Variants in SEMA3A observed in about 807,000 individuals in gnomAD.
SEMA3A encodes semaphorin-3A.
A neutral mutation model predicts 97.9 loss-of-function variants in SEMA3A; 29 were observed. The ratio of observed to expected loss-of-function variants is 0.30; its 90% CI spans 0.22 to 0.40. The LOEUF (loss-of-function observed/expected upper bound fraction) is 0.40. Ranked by LOEUF, SEMA3A falls within the 10% of genes least tolerant of loss-of-function variation. The pLI is 1.00. For synonymous variants in SEMA3A, 321 were observed against 323.7 expected (o/e 0.99, Z 0.09); for missense variants, 763 against 951.3 (o/e 0.80, Z 2.60).
intron 13 of SEMA3A, among the ~76,000 whole-genome samples, chr7:83,984,721 T>C (rs1789560797): frequency 6.8e-6 from 1 of 147,640 alleles, no homozygotes; most frequent in Non-Finnish European, 1.5e-5. Context: ...TGTTTACACA[T>C]ATTACACAGT....
chr7:84,026,884 T>A (rs1340781708), intron 6 of SEMA3A, among the ~76,000 whole-genome samples: 1 of 151,800 alleles, frequency 6.6e-6, no homozygotes, highest in Non-Finnish European at 1.5e-5. Context: ...CAGAAAAAAA[T>A]AACTATTGGG....
At chr7:84,022,299 T>C (rs1361234953) in intron 6 of SEMA3A, among the ~76,000 whole-genome samples, 2 of 152,130 alleles carry the variant, frequency 1.3e-5, no homozygotes, top group African/African-American at 2.4e-5. Flanking sequence ...AGAAAGTTCA[T>C]GATATTCACA....
intron 1 of SEMA3A, among the ~76,000 whole-genome samples, chr7:84,178,218 T>A (rs1288998522): frequency 1.3e-5 from 2 of 152,166 alleles, no homozygotes; most frequent in African/African-American, 4.8e-5. Context: ...TCTTATCTAA[T>A]TCCTTTGTAA....
At chr7:84,318,658 C>G (rs574181828) in intron 2 of SEMA3A, among the ~76,000 whole-genome samples, 1 of 152,238 alleles carries the variant, frequency 6.6e-6, no homozygotes, top group African/African-American at 2.4e-5. Context: ...ATTGATAGAA[C>G]AGAGCTGATG....
At chr7:84,201,219 G>T (rs77889589) in intron 3 of SEMA3A, among the ~76,000 whole-genome samples, 406 of 152,114 alleles carry the variant, frequency 2.7e-3, no homozygotes, top group African/African-American at 9.4e-3. Context: ...TATGGCCTAG[G>T]AAGAGGACTT....
intron 4 of SEMA3A, among the ~76,000 whole-genome samples, chr7:84,093,853 G>A (rs1192404657): frequency 4.6e-5 from 7 of 151,720 alleles, no homozygotes; most frequent in Admixed American, 3.9e-4. Context: ...TTAATACTTA[G>A]GTGATAAGTG....
intron 1 of SEMA3A, among the ~76,000 whole-genome samples, chr7:84,168,996 T>C (rs1797302676): frequency 6.6e-6 from 1 of 151,740 alleles, no homozygotes; most frequent in South Asian, 2.1e-4. Flanking sequence ...GCTTAAAAAA[T>C]GTTGAGGCTA....
At chr7:84,329,266 G>A (rs1367303970) in intron 2 of SEMA3A, among the ~76,000 whole-genome samples, 2 of 152,018 alleles carry the variant, frequency 1.3e-5, no homozygotes, top group African/African-American at 2.4e-5. Flanking sequence ...TTTCAAACCA[G>A]ACATTTTAAT....
At chr7:84,400,545 A>T (rs1308461129) in intron 1 of SEMA3A, among the ~76,000 whole-genome samples, 1 of 152,216 alleles carries the variant, frequency 6.6e-6, no homozygotes, top group Non-Finnish European at 1.5e-5. Flanking sequence ...AAACGGAGGA[A>T]AGAATCAGTG....
intron 3 of SEMA3A, among the ~76,000 whole-genome samples, chr7:84,253,364 C>CA (rs67378144): frequency 0.012 from 1,626 of 135,678 alleles, 4 homozygotes; most frequent in Non-Finnish European, 0.019. Flanking sequence ...ATGGAGAGTC[C>CA]AAAAAAAAAA....
At chr7:84,466,333 C>T (rs1167794939) in intron 1 of SEMA3A, among the ~76,000 whole-genome samples, 2 of 151,856 alleles carry the variant, frequency 1.3e-5, no homozygotes, top group African/African-American at 2.4e-5. Flanking sequence ...CCACCACACC[C>T]GGCTAATTTT....
intron 3 of SEMA3A, among the ~76,000 whole-genome samples, chr7:84,275,259 C>T (rs1280816306): frequency 1.3e-5 from 2 of 152,078 alleles, no homozygotes; most frequent in African/African-American, 4.8e-5. Context: ...GATATATACT[C>T]TCTCACTTTT....
intron 12 of SEMA3A, among the ~76,000 whole-genome samples, chr7:83,995,607 TAGC>T (rs1790184271): frequency 6.6e-6 from 1 of 152,316 alleles, no homozygotes; most frequent in Non-Finnish European, 1.5e-5. Flanking sequence ...TTCTGAGAAA[TAGC>T]AGGTAGTGAA....
chr7:84,242,821 T>C (rs1423123635), intron 3 of SEMA3A, among the ~76,000 whole-genome samples: 1 of 152,158 alleles, frequency 6.6e-6, no homozygotes, highest in Non-Finnish European at 1.5e-5. Context: ...CAATACCTAG[T>C]TTATTGAGAG....
intron 3 of SEMA3A, among the ~76,000 whole-genome samples, chr7:84,250,927 T>C (rs1233572969): frequency 6.6e-6 from 1 of 152,194 alleles, no homozygotes; most frequent in Non-Finnish European, 1.5e-5. Context: ...TCTATTCAAT[T>C]TGACAAAGTA....
intron 1 of SEMA3A, among the ~76,000 whole-genome samples, chr7:84,481,589 TTTTAA>T (rs1455504562): frequency 2.0e-5 from 3 of 152,256 alleles, no homozygotes; most frequent in South Asian, 4.1e-4. Context: ...TTGCAATACT[TTTTAA>T]TTTAAGTAAT....
intron 1 of SEMA3A, among the ~76,000 whole-genome samples, chr7:84,457,063 T>G (rs1773450088): frequency 6.6e-6 from 1 of 151,692 alleles, no homozygotes; most frequent in Admixed American, 6.6e-5. Context: ...ACTTGCATTT[T>G]GGTATCAAAA....
At chr7:84,213,886 T>C (rs1461500610) in intron 3 of SEMA3A, among the ~76,000 whole-genome samples, 1 of 152,228 alleles carries the variant, frequency 6.6e-6, no homozygotes, top group African/African-American at 2.4e-5. Context: ...AGCACTATCA[T>C]GGAAATAGAG....
At chr7:84,393,251 T>C (rs1054634035) in intron 1 of SEMA3A, among the ~76,000 whole-genome samples, 5 of 152,146 alleles carry the variant, frequency 3.3e-5, no homozygotes, top group Non-Finnish European at 7.4e-5. Context: ...TCCAATTTCA[T>C]TCCTTTGCAT....
Sources: gnomAD v4.1 joint callset for allele counts (sites outside exome capture counted in the v4.1 genomes callset) on GRCh38, gnomAD v4.1.1 for gene constraint, MANE v1.5 for transcripts, NCBI Gene and HGNC (gene_info 2026-07-23, HGNC 2026-07-21) for gene names.